ENOSF1: variants seen among roughly 807,000 people sequenced by gnomAD.
ENOSF1 encodes the protein mitochondrial enolase superfamily member 1.
Under a neutral mutation model 68.2 loss-of-function variants are expected in ENOSF1, and 73 were observed. The observed-to-expected ratio is 1.07, with a 90% confidence interval of 0.89 to 1.30. The LOEUF is 1.30. Among genes scored for constraint, ENOSF1 ranks in the 50% most tolerant of loss-of-function variants. ENOSF1 has a pLI of 0.00. For missense variants in ENOSF1, 589 were observed against 554.5 expected, an observed-to-expected ratio of 1.06 and a Z score of -0.62; for synonymous variants, 223 against 210.4, an observed-to-expected ratio of 1.06 and a Z score of -0.52.
chr18:699,436 C>A (rs1231652313), intron 2 of ENOSF1, among the ~76,000 whole-genome samples: 1 of 151,878 alleles, frequency 6.6e-6, no homozygotes, highest in Non-Finnish European at 1.5e-5. Flanking sequence ...TGAGATTGTG[C>A]CACTGCACTC....
At chr18:666,391 C>T (rs2074816839), downstream of ENOSF1, among the ~76,000 whole-genome samples, 1 of 152,100 alleles carries the variant, frequency 6.6e-6, no homozygotes, top group Non-Finnish European at 1.5e-5. Flanking sequence ...CACTCCACTC[C>T]CAGCTCTGCA....
intron 10 of ENOSF1, 164 bp from the exon 11 acceptor site, chr18:683,544 A>G: frequency 1.4e-6 from 1 of 738,326 alleles, no homozygotes; most frequent in South Asian, 2.0e-5. Flanking sequence ...AAAAAGAGCC[A>G]GAGAGCAGCT....
chr18:685,075 G>A (rs114957469), intron 10 of ENOSF1, among the ~76,000 whole-genome samples: 3,432 of 152,064 alleles, frequency 0.023, 129 homozygotes, highest in African/African-American at 0.079. Context: ...TGTAGCCCAG[G>A]CTGGTCCCAA....
intron 2 of ENOSF1, among the ~76,000 whole-genome samples, chr18:697,886 C>A (rs997246863): frequency 6.6e-6 from 1 of 152,120 alleles, no homozygotes; most frequent in Admixed American, 6.6e-5. Flanking sequence ...CTTGACCTCC[C>A]CGGCTCAGGT....
At chr18:676,520 A>G (rs1261222492) in intron 14 of ENOSF1, among the ~76,000 whole-genome samples, 1 of 152,134 alleles carries the variant, frequency 6.6e-6, no homozygotes, top group African/African-American at 2.4e-5. Context: ...ACCTTCCATC[A>G]TGATTGTAAG....
chr18:694,119 A>T (rs941016678), intron 4 of ENOSF1, 129 bp downstream of exon 4: 65 of 1,135,834 alleles, frequency 5.7e-5, no homozygotes, highest in Non-Finnish European at 7.6e-5. Flanking sequence ...CAGAGGAGAA[A>T]AAAACACCAA....
At chr18:707,659 T>C (rs905175205) in intron 1 of ENOSF1, 21 of 152,206 alleles carry the variant, frequency 1.4e-4, no homozygotes, top group Non-Finnish European at 1.6e-4. Context: ...CATAAGGCTA[T>C]GAAAATTTAT....
chr18:682,487 T>C (rs1170796831), intron 11 of ENOSF1, among the ~76,000 whole-genome samples: 2 of 152,162 alleles, frequency 1.3e-5, no homozygotes, highest in African/African-American at 2.4e-5. Flanking sequence ...TGCGCCATTA[T>C]ATAGGCAGTC....
downstream of ENOSF1, among the ~76,000 whole-genome samples, chr18:666,939 A>C (rs62090122): frequency 2.5e-3 from 71 of 28,114 alleles, 5 homozygotes; most frequent in African/African-American, 0.011. Flanking sequence ...ATGGTGATGG[A>C]GATGGTGATG....
intron 2 of ENOSF1, among the ~76,000 whole-genome samples, chr18:697,560 G>A (rs900824013): frequency 6.6e-6 from 1 of 152,136 alleles, no homozygotes; most frequent in African/African-American, 2.4e-5. Flanking sequence ...AGACCAGTCT[G>A]GCCAAAATGG....
intron 14 of ENOSF1, among the ~76,000 whole-genome samples, chr18:676,886 G>C (rs2075572088): frequency 6.6e-6 from 1 of 152,206 alleles, no homozygotes; most frequent in African/African-American, 2.4e-5. Context: ...AATTCCAGGA[G>C]ACAAGAAAAG....
Position 687,585 on chromosome 18 carries a change from G to A in ENOSF1, c.653+989C>T, listed in dbSNP as rs560733825. On this transcript the variant is annotated intron_variant, in intron 9 of 15. Coordinates refer to ENST00000647584, the MANE Select transcript of ENOSF1 (RefSeq NM_017512.7). ...AAAGTGCCACCGTGAGCTGTGCTGA[G>A]GGACACACAGTGACTGGGTCAAAAG... 6.2e-4 allele frequency: 95 copies of A among 152,318 alleles called. 1 individual carries two copies. Among genetic ancestry groups the A allele is most frequent in the African/African-American group, 2.2e-3 (92 of 41,556 alleles). The allele number at this position is 152,318 out of a possible 1,614,324, so 9.4% of individuals were successfully genotyped here. A position where few individuals can be genotyped will look rare whatever the true frequency, so the allele number is the denominator to read the frequency against.
chr18:678,508 T>C (rs775299766), intron 12 of ENOSF1, 188 bp downstream of exon 12: 10 of 573,450 alleles, frequency 1.7e-5, no homozygotes, highest in African/African-American at 3.8e-5. Flanking sequence ...ATTGGAGAAA[T>C]AGCCACAAAC....
At chr18:693,057 A>G (rs918900404) in intron 5 of ENOSF1, 1 of 1,283,260 alleles carries the variant, frequency 7.8e-7, no homozygotes, top group Non-Finnish European at 1.0e-6. Context: ...CACATGCTCA[A>G]GGTCATGCAG....
rs773744035 is a variant in ENOSF1 at position 685,916 on chromosome 18, T to C, written c.741+5A>G. 3.7e-6 allele frequency: 6 copies of C among 1,611,542 alleles called. No individual in the cohort carries two copies. In the African/African-American group the frequency reaches 6.7e-5, roughly 18 times the overall value. On this transcript the variant is annotated splice_donor_5th_base_variant and intron_variant, in intron 10 of 15. Coordinates refer to ENST00000647584, the MANE Select transcript of ENOSF1 (RefSeq NM_017512.7). ...TGCTTCTTAGTGGTGTGAGAGGATA[T>C]TTACCAAAGTCTTTTCCGGTCCAAT...
chr18:668,577 G>GTGAT (rs2074905282), downstream of ENOSF1, among the ~76,000 whole-genome samples: 2 of 152,186 alleles, frequency 1.3e-5, no homozygotes, highest in African/African-American at 4.8e-5. Flanking sequence ...TGCTGCTGAG[G>GTGAT]TGATAGAAAG....
rs141450625 is a variant in ENOSF1 at position 685,706 on chromosome 18, C to G, written c.741+215G>C. On this transcript the variant is annotated intron_variant, in intron 10 of 15. Transcript: ENST00000647584. ...TGTTAGTAAGAAAGGATCCTTAACC[C>G]CAAACTTACTTAACTAGTTCTGCAG... Among the ~76,000 whole-genome samples the G allele has an allele frequency of 9.6e-3, 1,466 of 152,220 alleles. 13 individuals are homozygous for G. Among genetic ancestry groups the G allele is most frequent in the Non-Finnish European group, 0.015 (1,027 of 68,026 alleles).
intron 10 of ENOSF1, among the ~76,000 whole-genome samples, chr18:685,517 T>C (rs1359062694): frequency 6.6e-6 from 1 of 152,170 alleles, no homozygotes; most frequent in Non-Finnish European, 1.5e-5. Context: ...TTTATAAAAA[T>C]ACAAATCAGA....
At chr18:690,662 C>T in intron 7 of ENOSF1, 31 bp from the exon 8 acceptor site, 1 of 1,592,202 alleles carries the variant, frequency 6.3e-7, no homozygotes, top group Non-Finnish European at 8.6e-7. Flanking sequence ...CAACATTTTG[C>T]ACTTTCCAGG....
Sources: allele counts gnomAD v4.1 joint callset (sites outside exome capture counted in the v4.1 genomes callset), GRCh38; gene constraint gnomAD v4.1.1; transcripts MANE v1.5; gene names NCBI Gene and HGNC (gene_info 2026-07-23, HGNC 2026-07-21).